Variants in PDE9A observed in about 807,000 individuals in gnomAD.
PDE9A encodes phosphodiesterase 9A.
Under a neutral mutation model 87.4 loss-of-function variants are expected in PDE9A, and 60 were observed. The ratio of observed to expected loss-of-function variants is 0.69; its 90% confidence interval spans 0.56 to 0.85. PDE9A has a LOEUF of 0.85. PDE9A is among the 40% of genes least tolerant of loss of function. PDE9A has a pLI of 0.00. For synonymous variants in PDE9A, 272 were observed against 279.4 expected (o/e 0.97, Z 0.27); for missense variants, 665 against 779.0 (o/e 0.85, Z 1.74).
intron 19 of PDE9A, among the ~76,000 whole-genome samples, chr21:42,773,967 T>C (rs1023388125): frequency 1.5e-4 from 23 of 151,180 alleles, no homozygotes; most frequent in East Asian, 3.9e-4. Context: ...TAGCCGGGCG[T>C]GGTGGTGGGT....
chr21:42,699,094 T>C (rs2060301743), intron 4 of PDE9A, 83 bp downstream of exon 4: 1 of 858,952 alleles, frequency 1.2e-6, no homozygotes, highest in Admixed American at 1.9e-5. Flanking sequence ...ATATACTAGT[T>C]AAGCATTTGA....
intron 8 of PDE9A, among the ~76,000 whole-genome samples, chr21:42,746,903 G>T (rs1447002284): frequency 2.0e-5 from 3 of 152,192 alleles, no homozygotes; most frequent in Non-Finnish European, 4.4e-5. Flanking sequence ...CTGGTGCCCC[G>T]TCAGCTTCTG....
rs1267336891 is a variant in PDE9A, at chr21:42,768,301, C to T, written c.1461+9C>T. On this transcript the variant is annotated intron_variant, in intron 16 of 19. Coordinates refer to ENST00000291539, the MANE Select transcript of PDE9A (RefSeq NM_002606.3). ...AGGAATATTTTATGCAGGTAAGAGT[C>T]TTGCAGAGCAATCAAGCCTCCAGCC... 2.0e-6 allele frequency: 3 copies of T among 1,504,422 alleles called. No individual in the cohort carries two copies. The highest frequency in any genetic ancestry group is 2.8e-6 in the Non-Finnish European group (3 of 1,080,194). The allele number at this position is 1,504,422 out of a possible 1,614,324, so 93.2% of individuals were successfully genotyped here.
intron 4 of PDE9A, among the ~76,000 whole-genome samples, chr21:42,700,533 G>C (rs2048301697): frequency 6.6e-6 from 1 of 152,138 alleles, no homozygotes; most frequent in Admixed American, 6.5e-5. Context: ...GTGGGTTTTG[G>C]AAGGAATACG....
intron 8 of PDE9A, among the ~76,000 whole-genome samples, chr21:42,746,981 C>G (rs1401170105): frequency 6.6e-6 from 1 of 152,228 alleles, no homozygotes; most frequent in African/African-American, 2.4e-5. Context: ...AAATGGGACT[C>G]TTGCTTCCAA....
chr21:42,753,908 A>G, intron 9 of PDE9A, 82 bp from the exon 10 acceptor site: 1 of 698,240 alleles, frequency 1.4e-6, no homozygotes, highest in Non-Finnish European at 2.5e-6. Context: ...AGAACGGGAG[A>G]AAGAGGAGAA....
At chr21:42,703,522 G>A (rs903444960) in intron 4 of PDE9A, among the ~76,000 whole-genome samples, 4 of 152,232 alleles carry the variant, frequency 2.6e-5, no homozygotes, top group Non-Finnish European at 5.9e-5. Context: ...GAAGACAGGC[G>A]AGATGGCTGT....
chr21:42,772,764 G>A (rs1413756925), intron 19 of PDE9A, among the ~76,000 whole-genome samples: 2 of 151,716 alleles, frequency 1.3e-5, no homozygotes, highest in East Asian at 3.9e-4. Flanking sequence ...CCCCTAAGTA[G>A]CTGGGATTAC....
At chr21:42,680,763 C>T (rs1418358942) in intron 1 of PDE9A, among the ~76,000 whole-genome samples, 1 of 152,204 alleles carries the variant, frequency 6.6e-6, no homozygotes, top group East Asian at 1.9e-4. Flanking sequence ...GCTTGCGGAC[C>T]CCTCCCCAGG....
intron 7 of PDE9A, among the ~76,000 whole-genome samples, chr21:42,737,722 T>C (rs777945347): frequency 8.5e-5 from 13 of 152,200 alleles, no homozygotes; most frequent in Non-Finnish European, 1.6e-4. Context: ...CCTCCCAAAG[T>C]GCTGAGATTA....
chr21:42,763,119 C>T (rs2055994969), intron 14 of PDE9A, among the ~76,000 whole-genome samples: 1 of 152,118 alleles, frequency 6.6e-6, no homozygotes, highest in Non-Finnish European at 1.5e-5. Context: ...TCCAGCTCAC[C>T]GAAATAACGC....
chr21:42,769,583 CAG>C (rs1555957616), intron 17 of PDE9A, among the ~76,000 whole-genome samples: 9 of 150,328 alleles, frequency 6.0e-5, no homozygotes, highest in African/African-American at 1.2e-4. Flanking sequence ...CACATGCACA[CAG>C]GTACACACAG....
chr21:42,670,068 C>CACTCACATACTT (rs1464877529), intron 1 of PDE9A, among the ~76,000 whole-genome samples: 69 of 152,194 alleles, frequency 4.5e-4, no homozygotes, highest in African/African-American at 1.6e-3. Context: ...CACATTCACA[C>CACTCACATACTT]ACTCACATAC....
chr21:42,677,478 C>T (rs2058912775), intron 1 of PDE9A, among the ~76,000 whole-genome samples: 1 of 152,188 alleles, frequency 6.6e-6, no homozygotes, highest in Admixed American at 6.5e-5. Context: ...AAAAAGACTG[C>T]AGCCAGCCTT....
intron 14 of PDE9A, among the ~76,000 whole-genome samples, chr21:42,764,945 A>C (rs573290367): frequency 6.6e-6 from 1 of 152,048 alleles, no homozygotes; most frequent in Admixed American, 6.6e-5. Context: ...CATACCTGGC[A>C]CAGAGATGTG....
Position 42,739,344 on chromosome 21 carries a change from C to T in PDE9A, c.569-4432C>T, listed in dbSNP as rs187474573. Among the ~76,000 whole-genome samples the T allele has an allele frequency of 1.8e-3, 278 of 152,308 alleles. 2 individuals carry two copies. The highest frequency in any genetic ancestry group is 3.0e-3 in the Non-Finnish European group (206 of 68,014). On this transcript the variant is annotated intron_variant, in intron 7 of 19. Coordinates refer to ENST00000291539, the MANE Select transcript of PDE9A (RefSeq NM_002606.3). The surrounding 1 kb of genome is among the most constrained non-coding windows in gnomAD (Gnocchi z 4.1). ...CCCTCTGGATTGAGGTGGAGCAGGG[C>T]TGGCAGTGGGTCGAAGAGGGGAGCT...
chr21:42,679,997 G>T (rs1486944922), intron 1 of PDE9A, among the ~76,000 whole-genome samples: 1 of 152,208 alleles, frequency 6.6e-6, no homozygotes, highest in African/African-American at 2.4e-5. Context: ...AGAGACTGTC[G>T]TAAGGAGGCT....
Position 42,659,035 on chromosome 21 carries a change from T to C in PDE9A, c.69+5152T>C, listed in dbSNP as rs539267545. ...GTAGTAAGAACCCTCGGTTTTTGGT[T>C]CCTTTTTCAACCAGCAATCAGCCAT... On this transcript the variant is annotated intron_variant, in intron 1 of 19. Transcript: ENST00000291539. The surrounding 1 kb of genome is among the most constrained non-coding windows in gnomAD (Gnocchi z 4.1). Among the ~76,000 whole-genome samples the C allele has an allele frequency of 5.9e-5, 9 of 152,238 alleles. No individual in the cohort carries two copies. Among genetic ancestry groups the C allele is most frequent in the African/African-American group, 2.2e-4 (9 of 41,534 alleles).
At chr21:42,698,549 A>C (rs1232740870) in intron 3 of PDE9A, among the ~76,000 whole-genome samples, 1 of 152,056 alleles carries the variant, frequency 6.6e-6, no homozygotes, top group Non-Finnish European at 1.5e-5. Flanking sequence ...CGACTTCATC[A>C]CTGTCACCAT....
Sources: gnomAD v4.1 joint callset for allele counts (sites outside exome capture counted in the v4.1 genomes callset) on GRCh38, gnomAD v4.1.1 for gene constraint, Gnocchi (gnomAD v3.1) non-coding constraint, MANE v1.5 for transcripts, NCBI Gene and HGNC (gene_info 2026-07-23, HGNC 2026-07-21) for gene names.